The following GPR75 variants were observed in gnomAD, a reference collection of about 807,000 sequenced individuals.
The protein encoded by GPR75 is G protein-coupled receptor 75.
Under a neutral mutation model 26.0 loss-of-function variants are expected in GPR75, and 27 were observed. That is an observed-to-expected ratio of 1.04 (90% CI 0.77 to 1.43). The LOEUF is 1.43. Ranked by LOEUF, GPR75 falls within the 40% of genes most tolerant of loss-of-function variation. The pLI is 0.00. For missense variants in GPR75, 699 were observed against 662.3 expected, an observed-to-expected ratio of 1.06 and a Z score of -0.61; for synonymous variants, 285 against 256.3, an observed-to-expected ratio of 1.11 and a Z score of -1.07.
At position 53,854,729 on chromosome 2, in the gene GPR75, C is replaced by T. The variant is rs1306243184; in HGVS notation, c.28G>A (p.Ala10Thr). The T allele has an allele frequency of 1.2e-5, 19 of 1,613,598 alleles. No homozygotes were observed. Among genetic ancestry groups the T allele is most frequent in the Non-Finnish European group, 1.6e-5 (19 of 1,179,762 alleles). MNSTGHLQD[A>T]PNATSLHVPH... ...ACATGGAGCGAGGTGGCATTGGGGG[C>T]ATCCTGAAGGTGGCCTGTTGAGTTC... The change falls in exon 2 of 2, where the codon GCC becomes ACC. Residue 10 changes from alanine (A) to threonine (T), a missense_variant. Physicochemically the swap from Ala to Thr is moderately conservative, Grantham distance 58 (BLOSUM62 0). Transcript: ENST00000394705.
At chr2:53,859,136 A>C (rs1191393333) in intron 1 of GPR75, among the ~76,000 whole-genome samples, 1 of 150,730 alleles carries the variant, frequency 6.6e-6, no homozygotes, top group Non-Finnish European at 1.5e-5. Context: ...TCAACTCACG[A>C]CCTGAATTCT....
Position 53,854,176 on chromosome 2 carries a change from C to A in GPR75, c.581G>T (p.Ser194Ile). ...GGCTTTCCCTTTTCCAGCAATCAGA[C>A]TGGACATGGGAAGACAGAGGTGGGA... ...SKSHLCLPMS[S>I]LIAGKGKAIL... The change falls in exon 2 of 2, where the codon AGT becomes ATT. Residue 194 changes from serine (S) to isoleucine (I), a missense_variant. Coordinates refer to ENST00000394705, the MANE Select transcript of GPR75 (RefSeq NM_006794.4). The A allele has an allele frequency of 6.2e-7, 1 of 1,614,146 alleles. No individual in the cohort carries two copies. Among genetic ancestry groups the A allele is most frequent in the Non-Finnish European group, 8.5e-7 (1 of 1,180,036 alleles).
At chr2:53,855,816 A>G (rs893704576) in intron 1 of GPR75, among the ~76,000 whole-genome samples, 2 of 152,200 alleles carry the variant, frequency 1.3e-5, no homozygotes, top group Non-Finnish European at 2.9e-5. Flanking sequence ...TTTATTTCCC[A>G]GTATTTATAA....
In GPR75 at chr2:53,854,355, C is replaced by T. The variant is rs764049715; in HGVS notation, c.402G>A (p.Lys134=). 9 of 1,614,092 alleles carry T rather than the reference C, an allele frequency of 5.6e-6. No homozygotes were observed. Among genetic ancestry groups the T allele is most frequent in the South Asian group, 5.5e-5 (5 of 91,070 alleles). ...GGTGCAGGGCGATCACTGCCACTGT[C>T]TTCAGAGACATGATGATGAAGCCTG... The part of the protein sequence containing the change: ...TSSGFIIMSL[K]TVAVIALHRL... The change falls in exon 2 of 2, where the codon AAG becomes AAA. Residue 134 remains lysine (K), a synonymous_variant. Transcript: ENST00000394705.
rs544134970 is a variant in GPR75 at position 53,853,118 on chromosome 2, T to C, written c.*16A>G. 32 of 1,591,190 alleles carry C rather than the reference T, an allele frequency of 2.0e-5. No individual in the cohort carries two copies. The highest frequency in any genetic ancestry group is 1.3e-4 in the Admixed American group (8 of 59,498). On this transcript the variant is annotated 3_prime_UTR_variant, in exon 2 of 2. Transcript: ENST00000394705. Reference sequence around the variant, plus strand: ...AACAAAAACTGTTTACATAAGATCCTATAGCCTCCATGACTTTAAACGGAG... The same window carrying C: ...AACAAAAACTGTTTACATAAGATCCCATAGCCTCCATGACTTTAAACGGAG...
At chr2:53,857,108 C>T (rs805371) in intron 1 of GPR75, among the ~76,000 whole-genome samples, 13,245 of 149,962 alleles carry the variant, frequency 0.088, 703 homozygotes, top group East Asian at 0.25. Flanking sequence ...GGACTACAGG[C>T]GCCCGCCACC....
rs768664813 is a variant in GPR75, at chr2:53,853,819, G to A, written c.938C>T (p.Thr313Ile). The change falls in exon 2 of 2, where the codon ACT (threonine) becomes ATT (isoleucine). Residue 313 changes from threonine (T) to isoleucine (I), a missense_variant. Transcript: ENST00000394705. ...LQLVSAINLS[T>I]AKDSKAVVTC... ...GACCACGGCTTTGGAATCCTTGGCAGTGGAGAGGTTGATGGCTGATACGAG... is the reference window on the plus strand; with the variant it reads ...GACCACGGCTTTGGAATCCTTGGCAATGGAGAGGTTGATGGCTGATACGAG... 5.0e-6 allele frequency: 8 copies of A among 1,614,210 alleles called. No individual in the cohort carries two copies. Among genetic ancestry groups the A allele is most frequent in the Non-Finnish European group, 5.9e-6 (7 of 1,180,032 alleles).
rs200791027 is a variant in GPR75 at position 53,853,877 on chromosome 2, G to C, written c.880C>G (p.Gln294Glu). The C allele has an allele frequency of 1.4e-5, 22 of 1,613,940 alleles. No individual in the cohort carries two copies. The highest frequency in any genetic ancestry group is 1.6e-5 in the Non-Finnish European group (19 of 1,180,010). Residue 294 changes from glutamine (Q) to glutamate (E), a missense_variant, in exon 2 of 2, where the codon CAA (glutamine) becomes GAA (glutamate). By Grantham distance (29) the Gln-to-Glu change is conservative (BLOSUM62 2). Transcript: ENST00000394705. ...CGGCTTGCTGCAGGGGTGACCAGTT[G>C]GTTGGGACTCTTGGTATATCCACGG... Reference protein sequence around the residue: ...QTRGYTKSPNQLVTPAASRLQ... With the variant: ...QTRGYTKSPNELVTPAASRLQ...
At chr2:53,859,801 C>G (rs1678331148) in intron 1 of GPR75, 27 bp downstream of exon 1, 4 of 1,511,344 alleles carry the variant, frequency 2.6e-6, no homozygotes, top group Non-Finnish European at 3.5e-6. Flanking sequence ...TGGGGTTGTC[C>G]TCCTCCAGGG....
rs992563864 is a variant in GPR75, at chr2:53,853,930, T to A, written c.827A>T (p.Asn276Ile). The change falls in exon 2 of 2, where the codon AAT becomes ATT. Residue 276 changes from asparagine to isoleucine, a missense_variant. Coordinates refer to ENST00000394705, the MANE Select transcript of GPR75 (RefSeq NM_006794.4). ...CTGAACGTGCTGCAGTTTGTTGTAA[T>A]TCTGGTTCCTATACAGAGCCGGCAT... ...CAMPALYRNQ[N>I]YNKLQHVQTR... 2.5e-6 allele frequency: 4 copies of A among 1,613,944 alleles called. No individual in the cohort carries two copies. In the Admixed American group the frequency reaches 5.0e-5, roughly 20 times the overall value.
intron 1 of GPR75, among the ~76,000 whole-genome samples, chr2:53,857,203 A>G (rs993095084): frequency 1.4e-4 from 21 of 151,184 alleles, no homozygotes; most frequent in Non-Finnish European, 3.0e-4. Context: ...TCCTGACCTC[A>G]TGATCCACCC....
rs1355234198 is a variant in GPR75, at chr2:53,856,050, G to A, written c.-109-1185C>T. On this transcript the variant is annotated intron_variant, in intron 1 of 1. Transcript: ENST00000394705. ...CAAGAATATCCTGATGGTGAAGCAGGAGGCATGCACCCATTCCTGCATTCG... is the reference window on the plus strand; with the variant it reads ...CAAGAATATCCTGATGGTGAAGCAGAAGGCATGCACCCATTCCTGCATTCG... Among the ~76,000 whole-genome samples the A allele has an allele frequency of 3.9e-5, 6 of 152,164 alleles. No homozygotes were observed. In the East Asian group the frequency reaches 1.2e-3, roughly 29 times the overall value.
At chr2:53,857,256 C>T (rs990059444) in intron 1 of GPR75, among the ~76,000 whole-genome samples, 2 of 151,782 alleles carry the variant, frequency 1.3e-5, no homozygotes, top group Non-Finnish European at 2.9e-5. Flanking sequence ...CGTGAGCCAC[C>T]GCGCCCGGCC....
In GPR75 at chr2:53,854,552, C is replaced by T. The variant is rs144758158; in HGVS notation, c.205G>A (p.Asp69Asn). ...GNFIVFLSFF[D>N]PAFRKFRTNF... ...GTTCTGAATTTCCTGAAGGCTGGAT[C>T]GAAGAAGGACAAGAAGACAATGAAG... is the stretch of plus-strand genomic sequence containing the variant. The change falls in exon 2 of 2, where the codon GAT becomes AAT. Residue 69 changes from aspartate (D) to asparagine (N), a missense_variant. By Grantham distance (23) the Asp-to-Asn change is conservative (BLOSUM62 1). Transcript: ENST00000394705. The T allele has an allele frequency of 7.3e-5, 118 of 1,613,926 alleles. No homozygotes were observed. In the East Asian group the frequency reaches 2.0e-3, roughly 28 times the overall value.
chr2:53,855,223 T>C (rs1426636553), intron 1 of GPR75, among the ~76,000 whole-genome samples: 1 of 152,066 alleles, frequency 6.6e-6, no homozygotes. Flanking sequence ...CAGAAAAAGA[T>C]ACAAATACAT....
rs890074986 is a variant in GPR75, at chr2:53,854,175, A to G, written c.582T>C (p.Ser194=). The change falls in exon 2 of 2, where the codon AGT becomes AGC. Residue 194 remains serine (S), a synonymous_variant. Transcript: ENST00000394705. The part of the protein sequence containing the change: ...SKSHLCLPMS[S]LIAGKGKAIL... ...TGGCTTTCCCTTTTCCAGCAATCAG[A>G]CTGGACATGGGAAGACAGAGGTGGG... 6.2e-7 allele frequency: 1 copy of G among 1,614,118 alleles called. No individual in the cohort carries two copies. Among genetic ancestry groups the G allele is most frequent in the Admixed American group, 1.7e-5 (1 of 60,020 alleles).
chr2:53,855,008 A>C, intron 1 of GPR75, 143 bp from the exon 2 acceptor site: 1 of 444,062 alleles, frequency 2.3e-6, no homozygotes, highest in Non-Finnish European at 4.0e-6. Flanking sequence ...TTTATTAGCA[A>C]TGGGGTCTTA....
In GPR75 at chr2:53,854,279, A is replaced by G; in HGVS notation, c.478T>C (p.Cys160Arg). The part of the protein sequence containing the change: ...KQPNRTASFP[C>R]TVLLTLLLWA... ...AGAAGCAGGGTGAGGAGTACGGTGC[A>G]GGGAAAGGAGGCCGTGCGATTAGGC... The change falls in exon 2 of 2, where the codon TGC becomes CGC. Residue 160 changes from cysteine (C) to arginine (R), a missense_variant. Cys to Arg is a radical substitution (Grantham distance 180). Coordinates refer to ENST00000394705, the MANE Select transcript of GPR75 (RefSeq NM_006794.4). 1 of 1,614,080 alleles carries G rather than the reference A, an allele frequency of 6.2e-7. No homozygotes were observed. The highest frequency in any genetic ancestry group is 1.1e-5 in the South Asian group (1 of 91,068).
Position 53,853,302 on chromosome 2 carries a change from G to C in GPR75, c.1455C>G (p.Ile485Met). The part of the protein sequence containing the change: ...INTRIEPYYS[I>M]YNSSPSQEES... ...CCTCCTGGGAAGGGCTGCTGTTATA[G>C]ATGCTGTAGTAAGGTTCAATCCGAG... Residue 485 changes from isoleucine to methionine, a missense_variant, in exon 2 of 2, where the codon ATC becomes ATG. Physicochemically the swap from Ile to Met is conservative, Grantham distance 10. Coordinates refer to ENST00000394705, the MANE Select transcript of GPR75 (RefSeq NM_006794.4). 1 of 1,614,194 alleles carries C rather than the reference G, an allele frequency of 6.2e-7. No individual in the cohort carries two copies. The highest frequency in any genetic ancestry group is 1.1e-5 in the South Asian group (1 of 91,084).
Sources: allele counts gnomAD v4.1 joint callset (sites outside exome capture counted in the v4.1 genomes callset), GRCh38; gene constraint gnomAD v4.1.1; transcripts MANE v1.5; gene names NCBI Gene and HGNC (gene_info 2026-07-23, HGNC 2026-07-21).